The following ASIC2 variants were observed in gnomAD, a reference collection of about 807,000 sequenced individuals.
The protein encoded by ASIC2 is acid sensing ion channel subunit 2.
ASIC2 carries 25 observed loss-of-function variants against 57.3 expected under a neutral mutation model. The ratio of observed to expected loss-of-function variants is 0.44; its 90% confidence interval spans 0.32 to 0.61. The LOEUF is 0.61. Ranked by LOEUF, ASIC2 falls within the 20% of genes least tolerant of loss-of-function variation. ASIC2 has a pLI of 0.06. For synonymous variants in ASIC2, 319 were observed against 307.5 expected (o/e 1.04, Z -0.39); for missense variants, 641 against 738.1 (o/e 0.87, Z 1.52).
At chr17:33,173,317 G>A (rs567712054) in intron 1 of ASIC2, among the ~76,000 whole-genome samples, 1 of 152,202 alleles carries the variant, frequency 6.6e-6, no homozygotes, top group Admixed American at 6.5e-5. Flanking sequence ...AATGTGTATG[G>A]AACAGCACAG....
chr17:33,274,074 T>C (rs1388022825), intron 1 of ASIC2, among the ~76,000 whole-genome samples: 2 of 152,200 alleles, frequency 1.3e-5, no homozygotes, highest in African/African-American at 4.8e-5. Flanking sequence ...ATTGATAGGA[T>C]CTGAACTGAC....
chr17:33,968,074 A>G (rs1905124114), intron 1 of ASIC2, among the ~76,000 whole-genome samples: 1 of 152,150 alleles, frequency 6.6e-6, no homozygotes, highest in Non-Finnish European at 1.5e-5. Context: ...CAATACCCGT[A>G]TTGTGCCAAG....
intron 1 of ASIC2, among the ~76,000 whole-genome samples, chr17:33,505,985 A>T (rs1377478527): frequency 6.6e-6 from 1 of 152,208 alleles, no homozygotes; most frequent in Admixed American, 6.5e-5. Flanking sequence ...TCTGCATATA[A>T]TATGTGATCA....
At chr17:33,648,454 A>G (rs1248312244) in intron 1 of ASIC2, among the ~76,000 whole-genome samples, 2 of 152,240 alleles carry the variant, frequency 1.3e-5, no homozygotes, top group Non-Finnish European at 2.9e-5. Flanking sequence ...ACTGCTATAT[A>G]GGAAGGACTT....
chr17:33,409,658 A>G (rs916089869), intron 1 of ASIC2, among the ~76,000 whole-genome samples: 4 of 152,230 alleles, frequency 2.6e-5, no homozygotes, highest in African/African-American at 9.6e-5. Context: ...AGGCAGCAGT[A>G]TCTTCTGAAG....
At chr17:34,150,911 G>A (rs149059258) in intron 1 of ASIC2, among the ~76,000 whole-genome samples, 54 of 152,174 alleles carry the variant, frequency 3.5e-4, no homozygotes, top group African/African-American at 1.2e-3. Flanking sequence ...TCAGGAGTAC[G>A]AGACCGGCCT....
At chr17:33,300,883 G>T (rs1195941618) in intron 1 of ASIC2, among the ~76,000 whole-genome samples, 2 of 152,090 alleles carry the variant, frequency 1.3e-5, no homozygotes, top group East Asian at 3.9e-4. Context: ...ACTTGTCCCT[G>T]GTCACTGAGA....
chr17:33,149,632 C>T (rs1904704843), intron 1 of ASIC2, among the ~76,000 whole-genome samples: 1 of 152,062 alleles, frequency 6.6e-6, no homozygotes, highest in Admixed American at 6.5e-5. Context: ...ATTTATATTC[C>T]TGCATTTATT....
chr17:34,095,604 ATT>A (rs1476143389), intron 1 of ASIC2, among the ~76,000 whole-genome samples: 1 of 67,784 alleles, frequency 1.5e-5, no homozygotes, highest in Non-Finnish European at 2.7e-5. Flanking sequence ...AAGCAGGCAA[ATT>A]TTATATATAT....
upstream of ASIC2, among the ~76,000 whole-genome samples, chr17:33,294,227 T>C (rs1426964086): frequency 6.6e-6 from 1 of 152,048 alleles, no homozygotes; most frequent in African/African-American, 2.4e-5. Flanking sequence ...TTCCAGACAT[T>C]ATCCGGAGAG....
At position 33,104,546 on chromosome 17, in the gene ASIC2, C is replaced by T. The variant is rs189402777; in HGVS notation, c.859+7371G>A. On this transcript the variant is annotated intron_variant, in intron 2 of 9. Coordinates refer to ENST00000225823, the MANE Select transcript of ASIC2 (RefSeq NM_183377.2). ...GAAAGCAAACGGGGGTTTCCATCTC[C>T]AGTGGGATCAGAGCCATGTTGCTTT... 1.6e-3 allele frequency among the ~76,000 whole-genome samples: 251 copies of T among 152,324 alleles called. 2 individuals carry two copies. The highest frequency in any genetic ancestry group is 3.0e-3 in the Non-Finnish European group (207 of 68,020).
chr17:34,127,527 T>C (rs1911824005), intron 1 of ASIC2, among the ~76,000 whole-genome samples: 1 of 152,202 alleles, frequency 6.6e-6, no homozygotes, highest in African/African-American at 2.4e-5. Context: ...CCTCTTCCCA[T>C]TTCCAAACCA....
At chr17:33,521,242 G>T (rs1914733216) in intron 1 of ASIC2, among the ~76,000 whole-genome samples, 1 of 152,152 alleles carries the variant, frequency 6.6e-6, no homozygotes, top group Non-Finnish European at 1.5e-5. Flanking sequence ...GCTCAACACT[G>T]TCGTCGGCCA....
intron 1 of ASIC2, among the ~76,000 whole-genome samples, chr17:33,629,607 A>C (rs1906097344): frequency 6.6e-6 from 1 of 152,212 alleles, no homozygotes; most frequent in African/African-American, 2.4e-5. Flanking sequence ...GAAGGTAGAC[A>C]ATATTTCCCT....
At chr17:33,269,977 C>T (rs899349795) in intron 1 of ASIC2, among the ~76,000 whole-genome samples, 3 of 152,188 alleles carry the variant, frequency 2.0e-5, no homozygotes, top group Non-Finnish European at 2.9e-5. Context: ...CCAGATGCCT[C>T]TCTGCTCCAT....
chr17:33,286,661 T>G lies in ASIC2; in HGVS notation c.708+4747A>C, dbSNP rs147171393. On this transcript the variant is annotated intron_variant, in intron 1 of 9. Transcript: ENST00000225823. Reference sequence around the variant, plus strand: ...AGTCCTCTTTCTCTCCTTTTCTACTTTGGAGCTTCTACTTATCCTTCAAGA... The same window carrying G: ...AGTCCTCTTTCTCTCCTTTTCTACTGTGGAGCTTCTACTTATCCTTCAAGA... Among the ~76,000 whole-genome samples, 175 of 152,266 alleles carry G rather than the reference T, an allele frequency of 1.1e-3. 2 individuals are homozygous for G. Among genetic ancestry groups the G allele is most frequent in the African/African-American group, 4.0e-3 (167 of 41,540 alleles).
intron 1 of ASIC2, chr17:34,005,761 A>C (rs1418463656): frequency 1.3e-5 from 2 of 152,248 alleles, no homozygotes; most frequent in African/African-American, 4.8e-5. Context: ...CCTTGCCTGC[A>C]GAGTTAACAG....
rs370923233 is a variant in ASIC2, at chr17:33,693,601, C to T, written c.555+462377G>A. 3.1e-4 allele frequency among the ~76,000 whole-genome samples: 47 copies of T among 152,214 alleles called. 1 individual carries two copies. The South Asian group carries it at 8.5e-3, about 28-fold the overall frequency. On this transcript the variant is annotated intron_variant, in intron 1 of 9. Coordinates refer to the ASIC2 transcript ENST00000359872. ...AGAAGGATCTGGGTAGACTATTCTG[C>T]GGACCAGGTCTGAGGAGCTCAAAGG...
intron 1 of ASIC2, among the ~76,000 whole-genome samples, chr17:34,047,687 T>C (rs545993925): frequency 1.3e-5 from 2 of 152,202 alleles, no homozygotes; most frequent in South Asian, 4.2e-4. Flanking sequence ...CTGTGACCAA[T>C]GGAATGCTGC....
Sources: allele counts gnomAD v4.1 joint callset (sites outside exome capture counted in the v4.1 genomes callset), GRCh38; gene constraint gnomAD v4.1.1; transcripts MANE v1.5; gene names NCBI Gene and HGNC (gene_info 2026-07-23, HGNC 2026-07-21).